Variants in ARHGAP6 observed in about 807,000 individuals in gnomAD.
The protein encoded by ARHGAP6 is rho GTPase-activating protein 6.
ARHGAP6 carries 16 observed loss-of-function variants against 55.7 expected under a neutral mutation model. The observed-to-expected ratio is 0.29, with a 90% CI of 0.19 to 0.44. The LOEUF (loss-of-function observed/expected upper bound fraction) is 0.44. Among genes scored for constraint, ARHGAP6 ranks in the 20% least tolerant of loss-of-function variants. The probability of loss-of-function intolerance (pLI) is 1.00; values close to 1 mark genes in which losing one functional copy is unlikely to be tolerated. For missense variants in ARHGAP6, 698 were observed against 808.9 expected (o/e 0.86, Z 1.66); for synonymous variants, 382 against 360.9 (o/e 1.06, Z -0.66).
At chrX:11,364,809 T>C (rs1313492529) in intron 1 of ARHGAP6, among the ~76,000 whole-genome samples, 3 of 111,175 alleles carry the variant, frequency 2.7e-5, no homozygotes, top group Admixed American at 9.5e-5. Context: ...CAGGAGTAGA[T>C]AGATGCATCA....
intron 2 of ARHGAP6, among the ~76,000 whole-genome samples, chrX:11,227,193 T>C (rs763684642): frequency 8.9e-6 from 1 of 112,043 alleles, no homozygotes; most frequent in African/African-American, 3.2e-5. Flanking sequence ...GTTATTTACA[T>C]AGAAGTCACG....
chrX:11,663,559 C>CCTA (rs2052722720), intron 1 of ARHGAP6, among the ~76,000 whole-genome samples: 1 of 112,025 alleles, frequency 8.9e-6, no homozygotes. Context: ...CTCTGAGTCC[C>CCTA]CTATGTATTG....
chrX:11,433,422 G>A (rs1043128488), intron 1 of ARHGAP6, among the ~76,000 whole-genome samples: 3 of 111,341 alleles, frequency 2.7e-5, no homozygotes, highest in Admixed American at 9.5e-5. Context: ...AGCCAGGGAG[G>A]GTATCCTTAA....
Position 11,467,988 on chromosome X carries a change from G to A in ARHGAP6, c.588+196253C>T, listed in dbSNP as rs200239178. ...GAACAAGACTCTGTCTTAAATGAAT[G>A]AATGAATAAATAAATAAATAAATAA... On this transcript the variant is annotated intron_variant, in intron 1 of 12. Transcript: ENST00000337414. 9.9e-3 allele frequency among the ~76,000 whole-genome samples: 819 copies of A among 82,771 alleles called. 11 individuals carry two copies. Among genetic ancestry groups the A allele is most frequent in the African/African-American group, 0.032 (630 of 19,887 alleles). 71.9% of individuals were successfully genotyped at this position (82,771 alleles called of 115,157 possible).
intron 1 of ARHGAP6, among the ~76,000 whole-genome samples, chrX:11,505,360 A>C (rs1488066712): frequency 1.1e-4 from 12 of 111,469 alleles, no homozygotes. Flanking sequence ...ACCATCGCAC[A>C]TCAGTCAGAA....
intron 1 of ARHGAP6, among the ~76,000 whole-genome samples, chrX:11,619,727 C>T (rs2052206372): frequency 8.9e-6 from 1 of 112,184 alleles, no homozygotes; most frequent in African/African-American, 3.2e-5. Flanking sequence ...TCCTCCCTTC[C>T]TCCTAACAGT....
intron 1 of ARHGAP6, among the ~76,000 whole-genome samples, chrX:11,356,655 C>T (rs1306633160): frequency 9.1e-6 from 1 of 110,279 alleles, no homozygotes; most frequent in African/African-American, 3.3e-5. Flanking sequence ...TAAAATTTGT[C>T]TTTTTAAAAT....
intron 1 of ARHGAP6, among the ~76,000 whole-genome samples, chrX:11,583,148 T>C (rs1355194652): frequency 8.9e-6 from 1 of 112,332 alleles, no homozygotes; most frequent in African/African-American, 3.2e-5. Flanking sequence ...TGAAACCAGA[T>C]AGTTCACACT....
intron 9 of ARHGAP6, among the ~76,000 whole-genome samples, chrX:11,159,259 T>G (rs902229852): frequency 8.1e-5 from 9 of 110,942 alleles, no homozygotes; most frequent in African/African-American, 3.0e-4. Context: ...TGGGTGGGGA[T>G]CCACTGGAGA....
chrX:11,567,618 T>C (rs1448735326), intron 1 of ARHGAP6, among the ~76,000 whole-genome samples: 1 of 106,915 alleles, frequency 9.4e-6, no homozygotes, highest in Non-Finnish European at 1.9e-5. Context: ...ACTAGGAAGC[T>C]GGGGCAGTTT....
At chrX:11,154,627 G>C (rs1055478069) in intron 10 of ARHGAP6, among the ~76,000 whole-genome samples, 1 of 112,002 alleles carries the variant, frequency 8.9e-6, no homozygotes, top group African/African-American at 3.2e-5. Flanking sequence ...CCAACCATAT[G>C]TTATAAGTGC....
At chrX:11,658,237 C>G (rs910762109) in intron 1 of ARHGAP6, among the ~76,000 whole-genome samples, 1 of 111,421 alleles carries the variant, frequency 9.0e-6, no homozygotes, top group Non-Finnish European at 1.9e-5. Flanking sequence ...TCTTCCCAAC[C>G]CTCAAATCTC....
At chrX:11,502,949 G>T (rs183447557) in intron 1 of ARHGAP6, among the ~76,000 whole-genome samples, 1 of 110,345 alleles carries the variant, frequency 9.1e-6, no homozygotes, top group Non-Finnish European at 1.9e-5. Flanking sequence ...AGGCTGGAGT[G>T]CAGTGACGCA....
At chrX:11,660,754 G>A (rs141769844) in intron 1 of ARHGAP6, among the ~76,000 whole-genome samples, 64 of 109,463 alleles carry the variant, frequency 5.8e-4, no homozygotes, top group Admixed American at 1.2e-3. Context: ...ACACCTCTGC[G>A]CCTTTGCCTG....
chrX:11,656,500 G>A (rs1444888777), intron 1 of ARHGAP6, among the ~76,000 whole-genome samples: 1 of 112,353 alleles, frequency 8.9e-6, no homozygotes, highest in East Asian at 2.8e-4. Context: ...TATTCCTCCT[G>A]AAGGTTCTAA....
At chrX:11,448,933 A>G (rs1278321625) in intron 1 of ARHGAP6, among the ~76,000 whole-genome samples, 1 of 111,865 alleles carries the variant, frequency 8.9e-6, no homozygotes, top group African/African-American at 3.2e-5. Flanking sequence ...CCAATTTTCT[A>G]AGCCAGGGGC....
intron 10 of ARHGAP6, among the ~76,000 whole-genome samples, chrX:11,151,276 C>A (rs1050984343): frequency 3.1e-5 from 3 of 98,123 alleles, no homozygotes; most frequent in African/African-American, 1.1e-4. Context: ...TTTTTTTTTT[C>A]CCCCTAGAGA....
At chrX:11,383,350 C>T (rs917659345) in intron 1 of ARHGAP6, among the ~76,000 whole-genome samples, 2 of 111,108 alleles carry the variant, frequency 1.8e-5, no homozygotes, top group African/African-American at 6.5e-5. Context: ...AAGAGTTTGC[C>T]TAATATCTTC....
chrX:11,382,488 A>G lies in ARHGAP6; in HGVS notation c.589-127781T>C, dbSNP rs755748308. 1.4e-3 allele frequency among the ~76,000 whole-genome samples: 160 copies of G among 111,922 alleles called. 1 individual carries two copies. Among genetic ancestry groups the G allele is most frequent in the African/African-American group, 5.0e-3 (153 of 30,864 alleles). On this transcript the variant is annotated intron_variant, in intron 1 of 12. Transcript: ENST00000337414. ...TTGGCCTATTTTCATTGTTGTCCCA[A>G]TAAAATAAGGCAAGAATACACATAG... is the stretch of plus-strand genomic sequence containing the variant.
Sources: gnomAD v4.1 joint callset for allele counts (sites outside exome capture counted in the v4.1 genomes callset) on GRCh38, gnomAD v4.1.1 for gene constraint, MANE v1.5 for transcripts, NCBI Gene and HGNC (gene_info 2026-07-23, HGNC 2026-07-21) for gene names.